Variants in LRRFIP1 observed in about 807,000 individuals in gnomAD.
LRRFIP1 encodes LRR binding FLII interacting protein 1.
In LRRFIP1, 62 loss-of-function variants were observed where a neutral mutation model predicts 104.4. The observed-to-expected ratio is 0.59, with a 90% CI of 0.48 to 0.73. The LOEUF (loss-of-function observed/expected upper bound fraction) is 0.73, where lower values mean the gene tolerates loss of function less well. LRRFIP1 is among the 30% of genes least tolerant of loss of function. The probability of loss-of-function intolerance (pLI) is 0.00; values close to 1 mark genes in which losing one functional copy is unlikely to be tolerated. For missense variants in LRRFIP1, 796 were observed against 824.5 expected (o/e 0.97, Z 0.42); for synonymous variants, 300 against 299.0 (o/e 1.00, Z -0.03).
intron 1 of LRRFIP1, among the ~76,000 whole-genome samples, chr2:237,692,792 G>A (rs1275729239): frequency 6.6e-6 from 1 of 152,290 alleles, no homozygotes; most frequent in Non-Finnish European, 1.5e-5. Context: ...CGCCCGAGGT[G>A]ATGGGCTGCA....
intron 1 of LRRFIP1, among the ~76,000 whole-genome samples, chr2:237,669,725 C>G (rs1490580275): frequency 6.6e-6 from 1 of 152,086 alleles, no homozygotes; most frequent in East Asian, 1.9e-4. Flanking sequence ...ACAGTGATGC[C>G]TCCACCCCGG....
At chr2:237,629,240 T>G (rs772521623) in intron 1 of LRRFIP1, among the ~76,000 whole-genome samples, 35 of 152,258 alleles carry the variant, frequency 2.3e-4, no homozygotes, top group Non-Finnish European at 4.8e-4. Context: ...GACCTTTGGC[T>G]AAATATAGAC....
intron 1 of LRRFIP1, among the ~76,000 whole-genome samples, chr2:237,678,668 G>A (rs1245881946): frequency 6.6e-6 from 1 of 151,812 alleles, no homozygotes; most frequent in African/African-American, 2.4e-5. Context: ...ACCAAGCCCA[G>A]CTAATTTTTG....
At chr2:237,685,824 C>A (rs2092326164) in intron 1 of LRRFIP1, among the ~76,000 whole-genome samples, 1 of 152,208 alleles carries the variant, frequency 6.6e-6, no homozygotes, top group Admixed American at 6.5e-5. Context: ...CCATGCAAAG[C>A]CTTTTCCTTG....
chr2:237,774,461 A>C lies in LRRFIP1; in HGVS notation c.1811A>C (p.Glu604Ala). The part of the protein sequence containing the change: ...LKAEKRKLQR[E>A]LRSALDKTEE... ...GCAGAAAAACGGAAACTCCAAAGAGAGGTAAATTTCCTAGGCAATTTCTAG... is the reference window on the plus strand; with the variant it reads ...GCAGAAAAACGGAAACTCCAAAGAGCGGTAAATTTCCTAGGCAATTTCTAG... Residue 604 changes from glutamate to alanine, a missense_variant and splice_region_variant, in exon 23 of 24, where the codon GAG (glutamate) becomes GCG (alanine). Transcript: ENST00000308482. 1 of 1,605,054 alleles carries C rather than the reference A, an allele frequency of 6.2e-7. No individual in the cohort carries two copies. Among genetic ancestry groups the C allele is most frequent in the South Asian group, 1.1e-5 (1 of 90,390 alleles).
At chr2:237,767,882 G>T (rs1417996415) in intron 19 of LRRFIP1, among the ~76,000 whole-genome samples, 1 of 152,222 alleles carries the variant, frequency 6.6e-6, no homozygotes, top group Non-Finnish European at 1.5e-5. Context: ...GTGTTTGTGT[G>T]TGCATGTATT....
Position 237,691,848 on chromosome 2 carries a change from G to A in LRRFIP1, c.97-16696G>A, listed in dbSNP as rs2092786433. Among the ~76,000 whole-genome samples the A allele has an allele frequency of 1.3e-5, 2 of 152,044 alleles. No homozygotes were observed. The highest frequency in any genetic ancestry group is 1.5e-5 in the Non-Finnish European group (1 of 67,960). On this transcript the variant is annotated intron_variant, in intron 1 of 23. Coordinates refer to ENST00000308482, the MANE Select transcript of LRRFIP1 (RefSeq NM_001137550.2). The surrounding 1 kb of genome is among the most constrained non-coding windows in gnomAD (Gnocchi z 5.4). ...TTCCGGCGGGGGCCGGAGGGGTGGT[G>A]ATGGACAGCCCGGGAGGGGCGGGGC... is the stretch of plus-strand genomic sequence containing the variant.
At chr2:237,702,061 G>A (rs1247615186) in intron 1 of LRRFIP1, among the ~76,000 whole-genome samples, 11 of 152,140 alleles carry the variant, frequency 7.2e-5, no homozygotes, top group African/African-American at 2.7e-4. Flanking sequence ...CAGGCTGTGG[G>A]GCTGGCATTA....
chr2:237,636,236 T>C (rs890207862), intron 1 of LRRFIP1, among the ~76,000 whole-genome samples: 1 of 151,924 alleles, frequency 6.6e-6, no homozygotes, highest in African/African-American at 2.4e-5. Context: ...TATCCTAAAA[T>C]TCTGGGAAAT....
intron 11 of LRRFIP1, among the ~76,000 whole-genome samples, chr2:237,740,827 C>T (rs575958306): frequency 2.0e-5 from 3 of 151,904 alleles, no homozygotes; most frequent in South Asian, 2.1e-4. Context: ...TTCGTGACCC[C>T]GAGGCCACGG....
At chr2:237,681,215 G>A (rs999127186) in intron 1 of LRRFIP1, among the ~76,000 whole-genome samples, 8 of 152,060 alleles carry the variant, frequency 5.3e-5, no homozygotes, top group Non-Finnish European at 8.8e-5. Context: ...CTTAACCTGC[G>A]TACTGTAAAA....
intron 1 of LRRFIP1, among the ~76,000 whole-genome samples, chr2:237,696,398 C>T (rs191086452): frequency 6.6e-6 from 1 of 152,236 alleles, no homozygotes; most frequent in African/African-American, 2.4e-5. Flanking sequence ...TAGGTGGGTG[C>T]CTTAGCATGC....
Position 237,666,613 on chromosome 2 carries a change from C to T in LRRFIP1, c.96+38873C>T, listed in dbSNP as rs193209085. Among the ~76,000 whole-genome samples the T allele has an allele frequency of 2.2e-3, 329 of 152,212 alleles. 4 individuals are homozygous for T. The East Asian group carries it at 0.025, about 12-fold the overall frequency. On this transcript the variant is annotated intron_variant, in intron 1 of 23. Coordinates refer to ENST00000308482, the MANE Select transcript of LRRFIP1 (RefSeq NM_001137550.2). ...GAGACAGGGAGGCCCTGAGAGGTCT[C>T]GGTGGTGACGGGTTGCAGGCAAGAG... is the stretch of plus-strand genomic sequence containing the variant.
At chr2:237,693,308 C>T (rs2092942774) in intron 1 of LRRFIP1, among the ~76,000 whole-genome samples, 1 of 152,216 alleles carries the variant, frequency 6.6e-6, no homozygotes, top group Non-Finnish European at 1.5e-5. Flanking sequence ...CAAACAATCA[C>T]TCTTTCATCA....
At chr2:237,748,798 C>T (rs894597692) in intron 12 of LRRFIP1, among the ~76,000 whole-genome samples, 4 of 152,142 alleles carry the variant, frequency 2.6e-5, no homozygotes, top group African/African-American at 4.8e-5. Flanking sequence ...TGTCTGAAAT[C>T]GCATCTGTGT....
At chr2:237,762,635 A>G (rs377090090) in intron 19 of LRRFIP1, 2 of 1,608,396 alleles carry the variant, frequency 1.2e-6, no homozygotes, top group African/African-American at 1.3e-5. Context: ...GAAAAATGAA[A>G]TCGTGGCGAA....
intron 2 of LRRFIP1, 90 bp downstream of exon 2, chr2:237,708,720 C>A: frequency 7.2e-7 from 1 of 1,386,004 alleles, no homozygotes; most frequent in Non-Finnish European, 1.0e-6. Flanking sequence ...GCTGCAGACG[C>A]ACCTGGCTGT....
chr2:237,737,923 C>G (rs556960600), intron 10 of LRRFIP1, among the ~76,000 whole-genome samples: 1 of 152,254 alleles, frequency 6.6e-6, no homozygotes, highest in South Asian at 2.1e-4. Context: ...GGGAACTTGC[C>G]CATCTTGTCC....
At chr2:237,776,549 G>T (rs2061111323) in intron 23 of LRRFIP1, among the ~76,000 whole-genome samples, 1 of 152,050 alleles carries the variant, frequency 6.6e-6, no homozygotes, top group Non-Finnish European at 1.5e-5. Flanking sequence ...GATGATGGTG[G>T]ATTTATCTCA....
Sources: gnomAD v4.1 joint callset for allele counts (sites outside exome capture counted in the v4.1 genomes callset) on GRCh38, gnomAD v4.1.1 for gene constraint, Gnocchi (gnomAD v3.1) non-coding constraint, MANE v1.5 for transcripts, NCBI Gene and HGNC (gene_info 2026-07-23, HGNC 2026-07-21) for gene names.